Variants in CAMK1D observed in about 807,000 individuals in gnomAD.
CAMK1D encodes calcium/calmodulin dependent protein kinase ID, also known as calcium/calmodulin-dependent protein kinase type 1D.
CAMK1D carries 9 observed loss-of-function variants against 47.7 expected under a neutral mutation model. The ratio of observed to expected loss-of-function variants is 0.19; its 90% CI spans 0.11 to 0.33. CAMK1D has a LOEUF of 0.33. Ranked by LOEUF, CAMK1D falls within the 10% of genes least tolerant of loss-of-function variation. The probability of loss-of-function intolerance (pLI) is 1.00; values close to 1 mark genes in which losing one functional copy is unlikely to be tolerated. For synonymous variants in CAMK1D, 184 were observed against 184.9 expected (o/e 0.99, Z 0.04); for missense variants, 291 against 488.7 (o/e 0.60, Z 3.81).
At chr10:12,538,997 C>T (rs1836076605) in intron 1 of CAMK1D, among the ~76,000 whole-genome samples, 1 of 152,102 alleles carries the variant, frequency 6.6e-6, no homozygotes, top group Non-Finnish European at 1.5e-5. Context: ...AAACTCCTGT[C>T]CTCAAGCAAT....
At chr10:12,502,309 G>C (rs968662936) in intron 1 of CAMK1D, among the ~76,000 whole-genome samples, 10 of 152,202 alleles carry the variant, frequency 6.6e-5, no homozygotes, top group African/African-American at 2.4e-4. Flanking sequence ...CCCAGCCAGG[G>C]AATGGAAAAT....
chr10:12,584,759 G>T (rs1037734075), intron 2 of CAMK1D, among the ~76,000 whole-genome samples: 1 of 152,166 alleles, frequency 6.6e-6, no homozygotes. Context: ...GGTCAAAGCT[G>T]CAGTGAGCAA....
Position 12,707,439 on chromosome 10 carries a change from C to T in CAMK1D, c.299+40629C>T, listed in dbSNP as rs971259910. The stretch of plus-strand genomic sequence containing the variant: ...AATTTGGCATCCCATATCCTCTTCC[C>T]AACAAGAATTTAAAGTGTTTATTAA... On this transcript the variant is annotated intron_variant, in intron 3 of 10. Transcript: ENST00000619168. 2.6e-5 allele frequency among the ~76,000 whole-genome samples: 4 copies of T among 152,064 alleles called. No homozygotes were observed. The East Asian group carries it at 7.7e-4, about 29-fold the overall frequency.
chr10:12,559,347 A>G (rs576982084), intron 2 of CAMK1D, among the ~76,000 whole-genome samples: 99 of 152,244 alleles, frequency 6.5e-4, no homozygotes, highest in Non-Finnish European at 1.1e-3. Context: ...TTCACGACCA[A>G]TCGAGTCAGA....
intron 3 of CAMK1D, among the ~76,000 whole-genome samples, chr10:12,696,271 T>C (rs1833293029): frequency 1.3e-5 from 2 of 152,108 alleles, no homozygotes; most frequent in Non-Finnish European, 2.9e-5. Context: ...GCCTGGTGGC[T>C]CATGCCCGTA....
intron 6 of CAMK1D, among the ~76,000 whole-genome samples, chr10:12,792,214 C>A (rs60353587): frequency 6.6e-6 from 1 of 152,176 alleles, no homozygotes; most frequent in Admixed American, 6.5e-5. Context: ...TCTTCTGAGA[C>A]GTCTTATCTC....
chr10:12,381,398 C>T (rs191250005), intron 1 of CAMK1D, among the ~76,000 whole-genome samples: 2 of 150,446 alleles, frequency 1.3e-5, no homozygotes, highest in Non-Finnish European at 3.0e-5. Flanking sequence ...CTGGAGTGCA[C>T]GATCTTGGTT....
chr10:12,503,789 G>A (rs1834780383), intron 1 of CAMK1D, among the ~76,000 whole-genome samples: 1 of 152,172 alleles, frequency 6.6e-6, no homozygotes. Context: ...ATAGTGTATA[G>A]GATGGAAGAT....
chr10:12,550,753 T>A (rs1226199907), intron 1 of CAMK1D, among the ~76,000 whole-genome samples: 1 of 152,236 alleles, frequency 6.6e-6, no homozygotes, highest in African/African-American at 2.4e-5. Context: ...CTGCTTCTGA[T>A]GTTTTTCATC....
chr10:12,809,803 G>C (rs1459999539), intron 6 of CAMK1D, among the ~76,000 whole-genome samples: 1 of 152,132 alleles, frequency 6.6e-6, no homozygotes, highest in East Asian at 1.9e-4. Context: ...GTGTTTGAGA[G>C]ACCTCCCGTG....
chr10:12,476,159 G>A (rs1354881122), intron 1 of CAMK1D, among the ~76,000 whole-genome samples: 1 of 152,090 alleles, frequency 6.6e-6, no homozygotes, highest in Non-Finnish European at 1.5e-5. Flanking sequence ...GGGCATGGTG[G>A]CACGTGCCTA....
intron 1 of CAMK1D, among the ~76,000 whole-genome samples, chr10:12,500,013 C>G (rs550414325): frequency 3.7e-4 from 57 of 152,172 alleles, no homozygotes; most frequent in Non-Finnish European, 7.2e-4. Context: ...TGCCTGTAAT[C>G]CCAGCACTTT....
intron 2 of CAMK1D, among the ~76,000 whole-genome samples, chr10:12,563,037 T>G (rs1475104367): frequency 6.6e-6 from 1 of 152,350 alleles, no homozygotes; most frequent in South Asian, 2.1e-4. Context: ...AGATTTATTA[T>G]GAGGTATTGG....
chr10:12,415,557 C>T (rs1839816525), intron 1 of CAMK1D, among the ~76,000 whole-genome samples: 1 of 150,654 alleles, frequency 6.6e-6, no homozygotes, highest in African/African-American at 2.4e-5. Flanking sequence ...GCCTTGGCCT[C>T]CCAAAGTGCT....
intron 2 of CAMK1D, among the ~76,000 whole-genome samples, chr10:12,606,316 C>T (rs753036774): frequency 5.9e-5 from 9 of 152,112 alleles, no homozygotes; most frequent in East Asian, 1.9e-4. Context: ...GGATGCCAGG[C>T]GACCCCGGCA....
chr10:12,721,122 C>T (rs1252679424), intron 3 of CAMK1D, among the ~76,000 whole-genome samples: 1 of 152,180 alleles, frequency 6.6e-6, no homozygotes, highest in Non-Finnish European at 1.5e-5. Context: ...GCCCAATCAG[C>T]GAGATCTTCA....
chr10:12,651,241 A>C (rs774964658), intron 2 of CAMK1D, among the ~76,000 whole-genome samples: 1 of 152,088 alleles, frequency 6.6e-6, no homozygotes, highest in South Asian at 2.1e-4. Context: ...CAACTCAAAC[A>C]CTGTGGGTCC....
At chr10:12,558,128 G>T (rs188580256) in intron 2 of CAMK1D, among the ~76,000 whole-genome samples, 1 of 152,240 alleles carries the variant, frequency 6.6e-6, no homozygotes, top group South Asian at 2.1e-4. Flanking sequence ...AGAACAGTTA[G>T]TTGTGATCCC....
rs374673237 is a variant in CAMK1D at position 12,388,967 on chromosome 10, A to G, written c.92+39057A>G. Among the ~76,000 whole-genome samples the G allele has an allele frequency of 4.9e-4, 74 of 152,268 alleles. 3 individuals carry two copies. The South Asian group carries it at 0.015, about 31-fold the overall frequency. ...GCTTGCGATTTCACTTGGGAAGCAC[A>G]TTGTCGTGTCGTCTGTGTGATTTAC... On this transcript the variant is annotated intron_variant, in intron 1 of 10. Coordinates refer to ENST00000619168, the MANE Select transcript of CAMK1D (RefSeq NM_153498.4).
Sources: gnomAD v4.1 joint callset for allele counts (sites outside exome capture counted in the v4.1 genomes callset) on GRCh38, gnomAD v4.1.1 for gene constraint, MANE v1.5 for transcripts, NCBI Gene and HGNC (gene_info 2026-07-23, HGNC 2026-07-21) for gene names.